ZFPM2: variants seen among roughly 807,000 people sequenced by gnomAD.
ZFPM2 encodes the protein zinc finger protein, FOG family member 2.
ZFPM2 carries 20 observed loss-of-function variants against 98.6 expected under a neutral mutation model. That is an observed-to-expected ratio of 0.20 (90% CI 0.14 to 0.29). ZFPM2 has a LOEUF of 0.29. Ranked by LOEUF, ZFPM2 falls within the 10% of genes least tolerant of loss-of-function variation. The pLI is 1.00. For missense variants in ZFPM2, 1,310 were observed against 1,388.6 expected (o/e 0.94, Z 0.90); for synonymous variants, 518 against 502.7 (o/e 1.03, Z -0.41).
chr8:105,360,048 A>G (rs1336969866), intron 1 of ZFPM2, among the ~76,000 whole-genome samples: 1 of 152,184 alleles, frequency 6.6e-6, no homozygotes, highest in Non-Finnish European at 1.5e-5. Flanking sequence ...CTATTTTGGC[A>G]CTTAGGTTGG....
chr8:105,629,651 A>T (rs1422450966), intron 4 of ZFPM2, among the ~76,000 whole-genome samples: 1 of 152,130 alleles, frequency 6.6e-6, no homozygotes, highest in Non-Finnish European at 1.5e-5. Flanking sequence ...TCTAGGAGAG[A>T]ATCCATTTCG....
chr8:105,471,420 A>G (rs539807853), intron 3 of ZFPM2, among the ~76,000 whole-genome samples: 2 of 152,342 alleles, frequency 1.3e-5, no homozygotes, highest in Admixed American at 1.3e-4. Context: ...CCCATGGAAC[A>G]CCAAGAAGTT....
chr8:105,555,670 T>G (rs943470016), intron 3 of ZFPM2, among the ~76,000 whole-genome samples: 1 of 152,172 alleles, frequency 6.6e-6, no homozygotes, highest in African/African-American at 2.4e-5. Flanking sequence ...AGGAGAAACC[T>G]ACTAGGGAAT....
chr8:105,646,491 C>T (rs771178535), intron 5 of ZFPM2, among the ~76,000 whole-genome samples: 5 of 152,134 alleles, frequency 3.3e-5, no homozygotes, highest in Admixed American at 2.6e-4. Flanking sequence ...AAGGCTTCTG[C>T]GGGGTCCCCT....
chr8:105,415,493 C>G (rs1335462214), intron 1 of ZFPM2, among the ~76,000 whole-genome samples: 2 of 151,958 alleles, frequency 1.3e-5, no homozygotes, highest in African/African-American at 4.8e-5. Flanking sequence ...TGAGCCTTTT[C>G]TGAGTAGATA....
At chr8:105,466,173 G>A (rs1341628567) in intron 3 of ZFPM2, among the ~76,000 whole-genome samples, 1 of 151,792 alleles carries the variant, frequency 6.6e-6, no homozygotes, top group African/African-American at 2.4e-5. Context: ...CATTTCCTTT[G>A]CCAAACTAAT....
intron 1 of ZFPM2, among the ~76,000 whole-genome samples, chr8:105,319,329 A>G (rs996744839): frequency 2.0e-5 from 3 of 151,988 alleles, no homozygotes; most frequent in Admixed American, 1.3e-4. Context: ...GACGCTTATT[A>G]TTGTTGTTGT....
At chr8:105,735,879 A>G (rs933443172) in intron 5 of ZFPM2, among the ~76,000 whole-genome samples, 3 of 151,976 alleles carry the variant, frequency 2.0e-5, no homozygotes, top group African/African-American at 7.2e-5. Context: ...AGCTGTATTA[A>G]GCATAGTCAA....
intron 4 of ZFPM2, among the ~76,000 whole-genome samples, chr8:105,615,336 C>G (rs1360261992): frequency 3.3e-5 from 5 of 152,078 alleles, no homozygotes; most frequent in African/African-American, 1.2e-4. Context: ...GCATTTTGCT[C>G]TAAGAATGTC....
chr8:105,523,896 G>A (rs1257153880), intron 3 of ZFPM2, among the ~76,000 whole-genome samples: 1 of 152,138 alleles, frequency 6.6e-6, no homozygotes, highest in East Asian at 1.9e-4. Flanking sequence ...AGAACATAGT[G>A]GCAGCATCAC....
At chr8:105,379,190 T>C (rs1276360783) in intron 1 of ZFPM2, among the ~76,000 whole-genome samples, 2 of 152,250 alleles carry the variant, frequency 1.3e-5, no homozygotes, top group Non-Finnish European at 2.9e-5. Flanking sequence ...GCACAGTTTT[T>C]ATTTAGTGGC....
At chr8:105,454,992 C>T (rs1437959537) in intron 3 of ZFPM2, among the ~76,000 whole-genome samples, 1 of 152,090 alleles carries the variant, frequency 6.6e-6, no homozygotes, top group Non-Finnish European at 1.5e-5. Flanking sequence ...CTCCAAGGAT[C>T]GTGGGTTACT....
intron 5 of ZFPM2, among the ~76,000 whole-genome samples, chr8:105,664,862 T>G (rs981972130): frequency 1.3e-5 from 2 of 152,130 alleles, no homozygotes; most frequent in African/African-American, 4.8e-5. Context: ...CATTTAATAC[T>G]AATCTGATGG....
At chr8:105,671,730 A>C (rs1817600890) in intron 5 of ZFPM2, among the ~76,000 whole-genome samples, 2 of 152,134 alleles carry the variant, frequency 1.3e-5, no homozygotes, top group South Asian at 4.1e-4. Flanking sequence ...ATAACAAGTA[A>C]GTACAATAGT....
At chr8:105,542,505 A>G (rs1194127928) in intron 3 of ZFPM2, among the ~76,000 whole-genome samples, 1 of 152,140 alleles carries the variant, frequency 6.6e-6, no homozygotes, top group Non-Finnish European at 1.5e-5. Context: ...TGAGTTCCAG[A>G]ATTTTTTTCA....
chr8:105,508,128 C>T lies in ZFPM2; in HGVS notation c.302-53235C>T, dbSNP rs545687472. On this transcript the variant is annotated intron_variant, in intron 3 of 7. Coordinates refer to ENST00000407775, the MANE Select transcript of ZFPM2 (RefSeq NM_012082.4). ...ACTATTACAGTTTAACGATTAATCA[C>T]GTAACATTTTGAGAGAGTGTCCAGT... Among the ~76,000 whole-genome samples, 58 of 152,234 alleles carry T rather than the reference C, an allele frequency of 3.8e-4. 1 individual carries two copies. In the South Asian group the frequency reaches 1.0e-2, roughly 26 times the overall value.
intron 6 of ZFPM2, 31 bp downstream of exon 6, chr8:105,788,955 T>G (rs1443266164): frequency 6.5e-7 from 1 of 1,542,778 alleles, no homozygotes; most frequent in Non-Finnish European, 8.8e-7. Context: ...AGCCCAGCTT[T>G]AGAGGTGATG....
At chr8:105,759,619 T>C (rs1329924006) in intron 5 of ZFPM2, among the ~76,000 whole-genome samples, 1 of 151,588 alleles carries the variant, frequency 6.6e-6, no homozygotes, top group Non-Finnish European at 1.5e-5. Flanking sequence ...TGTATGCACA[T>C]GTGTGTATTC....
chr8:105,802,924 G>A lies in ZFPM2; in HGVS notation c.2842G>A (p.Ala948Thr). ...GCAAGGCTTGAAGGTCTTTAGTGAA[G>A]CTGCTCAGCTCATTGCTACAAAAGA... The part of the protein sequence containing the change: ...TLQGLKVFSE[A>T]AQLIATKEEN... Residue 948 changes from alanine to threonine, a missense_variant, in exon 8 of 8, where the codon GCT becomes ACT. By Grantham distance (58) the Ala-to-Thr change is moderately conservative (BLOSUM62 0). Coordinates refer to ENST00000407775, the MANE Select transcript of ZFPM2 (RefSeq NM_012082.4). 6.2e-7 allele frequency: 1 copy of A among 1,613,446 alleles called. No individual in the cohort carries two copies. The highest frequency in any genetic ancestry group is 8.5e-7 in the Non-Finnish European group (1 of 1,179,728).
Sources: gnomAD v4.1 joint callset for allele counts (sites outside exome capture counted in the v4.1 genomes callset) on GRCh38, gnomAD v4.1.1 for gene constraint, MANE v1.5 for transcripts, NCBI Gene and HGNC (gene_info 2026-07-23, HGNC 2026-07-21) for gene names.